The following PTPRD variants were observed in gnomAD, a reference collection of about 807,000 sequenced individuals.
PTPRD encodes receptor-type tyrosine-protein phosphatase delta.
A neutral mutation model predicts 214.5 loss-of-function variants in PTPRD; 34 were observed. The ratio of observed to expected loss-of-function variants is 0.16; its 90% CI spans 0.12 to 0.21. The LOEUF (loss-of-function observed/expected upper bound fraction) is 0.21, where lower values mean the gene tolerates loss of function less well. PTPRD is among the 10% of genes least tolerant of loss of function. The pLI is 1.00. For missense variants in PTPRD, 2,545 were observed against 2,398.7 expected (o/e 1.06, Z -1.27); for synonymous variants, 1,128 against 845.7 (o/e 1.33, Z -5.79).
At chr9:9,143,872 G>A (rs1435451380) in intron 10 of PTPRD, among the ~76,000 whole-genome samples, 1 of 152,172 alleles carries the variant, frequency 6.6e-6, no homozygotes, top group East Asian at 1.9e-4. Context: ...TCCGAATTAA[G>A]CAAAAATGAT....
chr9:9,858,108 C>A (rs1435429859), intron 5 of PTPRD, among the ~76,000 whole-genome samples: 3 of 152,072 alleles, frequency 2.0e-5, no homozygotes, highest in Non-Finnish European at 1.5e-5. Context: ...ATAGTCTGTG[C>A]AATTGTTTTA....
chr9:10,563,690 A>G (rs1381809296), intron 2 of PTPRD, among the ~76,000 whole-genome samples: 1 of 151,728 alleles, frequency 6.6e-6, no homozygotes, highest in Non-Finnish European at 1.5e-5. Context: ...TATCTTTTAA[A>G]TTTTGGAGGA....
At chr9:9,003,555 T>A (rs1448742995) in intron 11 of PTPRD, among the ~76,000 whole-genome samples, 1 of 152,062 alleles carries the variant, frequency 6.6e-6, no homozygotes, top group Non-Finnish European at 1.5e-5. Context: ...TGGATCTCAG[T>A]GTTCATTTTG....
chr9:10,178,149 G>A (rs1435318788), intron 3 of PTPRD, among the ~76,000 whole-genome samples: 1 of 151,964 alleles, frequency 6.6e-6, no homozygotes, highest in Non-Finnish European at 1.5e-5. Context: ...TGGAGAGACT[G>A]TAAGTTTCTA....
Position 8,449,842 on chromosome 9 carries a change from A to C in PTPRD, c.3876-5T>G, listed in dbSNP as rs941451020. On this transcript the variant is annotated splice_polypyrimidine_tract_variant and splice_region_variant and intron_variant, in intron 33 of 45. Coordinates refer to ENST00000381196, the MANE Select transcript of PTPRD (RefSeq NM_002839.4). Reference sequence around the variant, plus strand: ...GAGTCGGACTCTGCCCTCTTCCTATAGGGGGAAAATAGAAATTTAAGAAGA... The same window carrying C: ...GAGTCGGACTCTGCCCTCTTCCTATCGGGGGAAAATAGAAATTTAAGAAGA... The C allele has an allele frequency of 6.2e-7, 1 of 1,612,284 alleles. No homozygotes were observed. The highest frequency in any genetic ancestry group is 1.3e-5 in the African/African-American group (1 of 74,752).
At chr9:10,303,281 A>G (rs545642435) in intron 3 of PTPRD, among the ~76,000 whole-genome samples, 4 of 152,340 alleles carry the variant, frequency 2.6e-5, no homozygotes, top group African/African-American at 4.8e-5. Context: ...GGAAATTTAT[A>G]GCACTAAATA....
intron 5 of PTPRD, among the ~76,000 whole-genome samples, chr9:9,849,701 C>T (rs2060186791): frequency 6.6e-6 from 1 of 152,006 alleles, no homozygotes; most frequent in African/African-American, 2.4e-5. Context: ...ATGTCAGTCC[C>T]CACTGAATCA....
intron 6 of PTPRD, among the ~76,000 whole-genome samples, chr9:9,763,224 T>C (rs1020568383): frequency 6.6e-6 from 1 of 152,138 alleles, no homozygotes; most frequent in Non-Finnish European, 1.5e-5. Context: ...CAAGAAAAAA[T>C]AGAAATCACA....
At chr9:10,135,529 C>T (rs1043259365) in intron 3 of PTPRD, among the ~76,000 whole-genome samples, 2 of 152,058 alleles carry the variant, frequency 1.3e-5, no homozygotes, top group African/African-American at 4.8e-5. Flanking sequence ...AACAGTGGAC[C>T]TCTCAGCAGG....
intron 3 of PTPRD, among the ~76,000 whole-genome samples, chr9:10,210,403 T>A (rs1027776297): frequency 3.9e-5 from 6 of 152,030 alleles, no homozygotes; most frequent in African/African-American, 1.4e-4. Context: ...TGGAAACAAT[T>A]ACCAATTATC....
chr9:9,628,941 A>G (rs533676138), intron 7 of PTPRD, among the ~76,000 whole-genome samples: 1 of 152,034 alleles, frequency 6.6e-6, no homozygotes, highest in Admixed American at 6.6e-5. Flanking sequence ...TGGGAGGCCG[A>G]GGCGGGCAGA....
chr9:10,464,703 T>A (rs940441695), intron 2 of PTPRD, among the ~76,000 whole-genome samples: 1 of 151,670 alleles, frequency 6.6e-6, no homozygotes, highest in Non-Finnish European at 1.5e-5. Context: ...ATTAACTTTT[T>A]AAATATTTTT....
intron 9 of PTPRD, among the ~76,000 whole-genome samples, chr9:9,313,799 G>T (rs1960732847): frequency 1.3e-5 from 2 of 152,272 alleles, no homozygotes; most frequent in South Asian, 4.1e-4. Flanking sequence ...AATTGGAATG[G>T]TGCTTATGGC....
intron 3 of PTPRD, among the ~76,000 whole-genome samples, chr9:10,218,510 C>A (rs963330858): frequency 6.6e-6 from 1 of 151,888 alleles, no homozygotes; most frequent in African/African-American, 2.4e-5. Context: ...AAACCTTACT[C>A]AACATAAATG....
At chr9:10,177,827 G>T (rs957235601) in intron 3 of PTPRD, among the ~76,000 whole-genome samples, 6 of 151,870 alleles carry the variant, frequency 4.0e-5, no homozygotes, top group African/African-American at 1.4e-4. Flanking sequence ...CAAGTCAGTA[G>T]TTCTCTTTAT....
At chr9:10,503,673 C>G (rs566681110) in intron 2 of PTPRD, among the ~76,000 whole-genome samples, 1 of 151,870 alleles carries the variant, frequency 6.6e-6, no homozygotes, top group African/African-American at 2.4e-5. Context: ...ACTATCTTAC[C>G]TCCTGGAGAT....
intron 6 of PTPRD, among the ~76,000 whole-genome samples, chr9:9,746,641 G>T (rs1303417096): frequency 1.3e-5 from 2 of 152,220 alleles, no homozygotes; most frequent in Non-Finnish European, 2.9e-5. Context: ...GGGATTCTGA[G>T]AAGTTGGATG....
At chr9:10,024,379 G>C (rs2096880580) in intron 4 of PTPRD, among the ~76,000 whole-genome samples, 1 of 151,992 alleles carries the variant, frequency 6.6e-6, no homozygotes. Context: ...GTGAATGCCT[G>C]GTGTCTTGAG....
chr9:9,803,222 C>T (rs1250126121), intron 5 of PTPRD, among the ~76,000 whole-genome samples: 1 of 151,034 alleles, frequency 6.6e-6, no homozygotes, highest in Non-Finnish European at 1.5e-5. Flanking sequence ...GTTACTTTCA[C>T]CTTCACTGAA....
Sources: gnomAD v4.1 joint callset for allele counts (sites outside exome capture counted in the v4.1 genomes callset) on GRCh38, gnomAD v4.1.1 for gene constraint, MANE v1.5 for transcripts, NCBI Gene and HGNC (gene_info 2026-07-23, HGNC 2026-07-21) for gene names.